RAB8A: variants seen among roughly 807,000 people sequenced by gnomAD.
RAB8A encodes the protein ras-related protein Rab-8A.
RAB8A carries 5 observed loss-of-function variants against 29.2 expected under a neutral mutation model. That is an observed-to-expected ratio of 0.17 (90% CI 0.09 to 0.36). The LOEUF (loss-of-function observed/expected upper bound fraction) is 0.36, where lower values mean the gene tolerates loss of function less well. Among genes scored for constraint, RAB8A ranks in the 10% least tolerant of loss-of-function variants. The probability of loss-of-function intolerance (pLI) is 1.00; values close to 1 mark genes in which losing one functional copy is unlikely to be tolerated. For synonymous variants in RAB8A, 108 were observed against 99.9 expected (o/e 1.08, Z -0.49); for missense variants, 171 against 272.2 (o/e 0.63, Z 2.62).
chr19:16,117,182 A>G (rs2144985035), intron 1 of RAB8A, among the ~76,000 whole-genome samples: 1 of 152,246 alleles, frequency 6.6e-6, no homozygotes, highest in Non-Finnish European at 1.5e-5. Context: ...CTGTTGGTGG[A>G]CATACTAGAA....
At position 16,111,914 on chromosome 19, in the gene RAB8A, T is replaced by C. The variant is rs1568317850; in HGVS notation, c.13T>C (p.Tyr5His). 2.5e-6 allele frequency: 4 copies of C among 1,613,940 alleles called. No homozygotes were observed. The highest frequency in any genetic ancestry group is 3.4e-6 in the Non-Finnish European group (4 of 1,179,876). Reference protein sequence around the residue: MAKTYDYLFKLLLIG... With the variant: MAKTHDYLFKLLLIG... ...GAGAGAGTGTAATATGGCGAAGACC[T>C]ACGATTACCTGTTCAAGCTGCTGCT... is the stretch of plus-strand genomic sequence containing the variant. Residue 5 changes from tyrosine (Y) to histidine (H), a missense_variant, in exon 1 of 8, where the codon TAC becomes CAC. By Grantham distance (83) the Tyr-to-His change is moderately conservative. Transcript: ENST00000300935.
chr19:16,124,498 C>A (rs10410723), intron 3 of RAB8A: 28,311 of 152,338 alleles, frequency 0.19, 2,789 homozygotes, highest in Middle Eastern at 0.22. Context: ...CCAGGCCTGG[C>A]CATGAGCAGG....
chr19:16,129,728 T>G, intron 7 of RAB8A, 124 bp downstream of exon 7: 1 of 959,848 alleles, frequency 1.0e-6, no homozygotes, highest in Non-Finnish European at 1.6e-6. Context: ...CCATGGGACA[T>G]TGCTGGGAAA....
In RAB8A at chr19:16,117,350, A is replaced by G. The variant is rs535064454; in HGVS notation, c.125-876A>G. Among the ~76,000 whole-genome samples, 10 of 152,092 alleles carry G rather than the reference A, an allele frequency of 6.6e-5. No homozygotes were observed. The East Asian group carries it at 1.9e-3, about 29-fold the overall frequency. ...CTAAAAACTCAAAAATTGGCCGGGCATTGTGGCAGGCACCTGTGGTCCCAG... is the reference window on the plus strand; with the variant it reads ...CTAAAAACTCAAAAATTGGCCGGGCGTTGTGGCAGGCACCTGTGGTCCCAG... On this transcript the variant is annotated intron_variant, in intron 1 of 7. Transcript: ENST00000300935.
Position 16,122,174 on chromosome 19 carries a change from A to G in RAB8A, c.246+364A>G, listed in dbSNP as rs1032176346. 5.0e-6 allele frequency: 1 copy of G among 198,292 alleles called. No homozygotes were observed. The highest frequency in any genetic ancestry group is 1.0e-5 in the Non-Finnish European group (1 of 96,466). The allele number at this position is 198,292 out of a possible 1,614,324, so 12.3% of individuals were successfully genotyped here. ...GCATCTGTCTCTGAAATTTGCTACCAAAAGCTTGAAGATCTTCCAGGAGCT... is the reference window on the plus strand; with the variant it reads ...GCATCTGTCTCTGAAATTTGCTACCGAAAGCTTGAAGATCTTCCAGGAGCT... On this transcript the variant is annotated intron_variant, in intron 3 of 7. Transcript: ENST00000300935. This position sits in a 1 kb window ranked among gnomAD's most constrained non-coding sequence, Gnocchi z 4.7.
In RAB8A at chr19:16,122,099, G is replaced by C. The variant is rs1417038051; in HGVS notation, c.246+289G>C. 1 of 341,340 alleles carries C rather than the reference G, an allele frequency of 2.9e-6. No individual in the cohort carries two copies. Among genetic ancestry groups the C allele is most frequent in the Non-Finnish European group, 5.5e-6 (1 of 183,054 alleles). 21.1% of individuals were successfully genotyped at this position (341,340 alleles called of 1,614,324 possible). Reference sequence around the variant, plus strand: ...AAGCCGGTTCTTCCAGGTGAGCTCAGTGCAGTTAAAGCCGGCATGCCCCGA... The same window carrying C: ...AAGCCGGTTCTTCCAGGTGAGCTCACTGCAGTTAAAGCCGGCATGCCCCGA... On this transcript the variant is annotated intron_variant, in intron 3 of 7. Coordinates refer to ENST00000300935, the MANE Select transcript of RAB8A (RefSeq NM_005370.5). This position sits in a 1 kb window ranked among gnomAD's most constrained non-coding sequence, Gnocchi z 4.7.
intron 2 of RAB8A, among the ~76,000 whole-genome samples, chr19:16,120,190 T>C (rs2090867925): frequency 1.3e-5 from 2 of 152,166 alleles, no homozygotes; most frequent in African/African-American, 4.8e-5. Flanking sequence ...AAGGTGTTTC[T>C]GCACAATCCA....
intron 1 of RAB8A, among the ~76,000 whole-genome samples, chr19:16,117,072 G>A (rs1213802771): frequency 2.0e-5 from 3 of 152,094 alleles, no homozygotes; most frequent in African/African-American, 7.2e-5. Flanking sequence ...TGTCTTCAAG[G>A]TTCATCCACA....
At chr19:16,118,004 G>A (rs1461593120) in intron 1 of RAB8A, among the ~76,000 whole-genome samples, 2 of 152,076 alleles carry the variant, frequency 1.3e-5, no homozygotes, top group Admixed American at 6.5e-5. Flanking sequence ...TGCCACCCGC[G>A]CCCCCTGGGT....
In RAB8A at chr19:16,125,755, T is replaced by C; in HGVS notation, c.324+208T>C. On this transcript the variant is annotated intron_variant, in intron 4 of 7. Transcript: ENST00000300935. The surrounding 1 kb of genome is among the most constrained non-coding windows in gnomAD (Gnocchi z 5.0). ...TGGCCTGGCCCCACCCCGGAGCCCC[T>C]CGGAGCCCATCCCTCCAGCTAGGCT... is the stretch of plus-strand genomic sequence containing the variant. The C allele has an allele frequency of 1.5e-6, 1 of 677,718 alleles. No homozygotes were observed. Among genetic ancestry groups the C allele is most frequent in the Non-Finnish European group, 2.7e-6 (1 of 368,204 alleles). The allele number at this position is 677,718 out of a possible 1,614,324, so 42.0% of individuals were successfully genotyped here.
chr19:16,130,126 C>T (rs1027705717), intron 7 of RAB8A, among the ~76,000 whole-genome samples: 1 of 151,744 alleles, frequency 6.6e-6, no homozygotes, highest in African/African-American at 2.4e-5. Context: ...TGAATCCCTA[C>T]CCATCTACCC....
At chr19:16,118,073 G>T (rs2090854703) in intron 1 of RAB8A, among the ~76,000 whole-genome samples, 153 bp from the exon 2 acceptor site, 1 of 152,202 alleles carries the variant, frequency 6.6e-6, no homozygotes, top group African/African-American at 2.4e-5. Context: ...AGTGTTTCCA[G>T]ATCTGGATAT....
At chr19:16,118,373 T>C in intron 2 of RAB8A, 87 bp downstream of exon 2, 2 of 1,264,770 alleles carry the variant, frequency 1.6e-6, no homozygotes, top group East Asian at 4.7e-5. Flanking sequence ...ACCGTCCCTG[T>C]GACCTTGGCC....
At chr19:16,126,390 T>TG (rs1293409740) in intron 4 of RAB8A, 1 of 152,582 alleles carries the variant, frequency 6.6e-6, no homozygotes, top group Non-Finnish European at 1.5e-5. Flanking sequence ...CTGGTCTTTG[T>TG]GAAAGGTCTC....
At chr19:16,116,760 G>A (rs1227336516) in intron 1 of RAB8A, among the ~76,000 whole-genome samples, 1 of 151,974 alleles carries the variant, frequency 6.6e-6, no homozygotes, top group Non-Finnish European at 1.5e-5. Context: ...ACTTGAACCC[G>A]GGAGGCAGAG....
At chr19:16,118,189 G>A in intron 1 of RAB8A, 37 bp from the exon 2 acceptor site, 1 of 1,585,376 alleles carries the variant, frequency 6.3e-7, no homozygotes, top group Non-Finnish European at 8.6e-7. Flanking sequence ...TGGGAAATGG[G>A]CTGACAGTGA....
intron 1 of RAB8A, among the ~76,000 whole-genome samples, chr19:16,114,895 C>T (rs1447457431): frequency 6.8e-6 from 1 of 147,042 alleles, no homozygotes; most frequent in African/African-American, 2.5e-5. Flanking sequence ...GAAGGTCAGA[C>T]CTCATAATTC....
chr19:16,133,053 A>G lies in RAB8A; in HGVS notation c.*749A>G, dbSNP rs1357992847. On this transcript the variant is annotated 3_prime_UTR_variant, in exon 8 of 8. Coordinates refer to ENST00000300935, the MANE Select transcript of RAB8A (RefSeq NM_005370.5). Reference sequence around the variant, plus strand: ...GTGTGTGCTGCAAGTGACCCCGAAAACAACCACAGCCGTCACATGGTCCTC... The same window carrying G: ...GTGTGTGCTGCAAGTGACCCCGAAAGCAACCACAGCCGTCACATGGTCCTC... 6.6e-6 allele frequency: 1 copy of G among 152,402 alleles called. No individual in the cohort carries two copies. The highest frequency in any genetic ancestry group is 1.9e-4 in the East Asian group (1 of 5,176). The allele number at this position is 152,402 out of a possible 1,614,324, so 9.4% of individuals were successfully genotyped here.
rs1361255236 is a variant in RAB8A at position 16,132,656 on chromosome 19, C to G, written c.*352C>G. The G allele has an allele frequency of 8.5e-6, 2 of 233,954 alleles. No individual in the cohort carries two copies. The highest frequency in any genetic ancestry group is 1.7e-5 in the Non-Finnish European group (2 of 116,688). 14.5% of individuals were successfully genotyped at this position (233,954 alleles called of 1,614,324 possible). A position where few individuals can be genotyped will look rare whatever the true frequency, so the allele number is the denominator to read the frequency against. ...GGGCCTTTGCTTTGTGGCCTCACTG[C>G]AACACAAAGCTCCACCAGGAGGCTG... On this transcript the variant is annotated 3_prime_UTR_variant, in exon 8 of 8. Transcript: ENST00000300935. This position sits in a 1 kb window ranked among gnomAD's most constrained non-coding sequence, Gnocchi z 5.6.
Sources: allele counts gnomAD v4.1 joint callset (sites outside exome capture counted in the v4.1 genomes callset), GRCh38; gene constraint gnomAD v4.1.1; non-coding constraint Gnocchi (gnomAD v3.1); transcripts MANE v1.5; gene names NCBI Gene and HGNC (gene_info 2026-07-23, HGNC 2026-07-21).